Variants in GGCX observed in about 807,000 individuals in gnomAD.
GGCX encodes the protein vitamin K-dependent gamma-carboxylase.
In GGCX, 63 loss-of-function variants were observed where a neutral mutation model predicts 88.5. The ratio of observed to expected loss-of-function variants is 0.71; its 90% CI spans 0.58 to 0.88. The LOEUF is 0.88. Ranked by LOEUF, GGCX falls within the 40% of genes least tolerant of loss-of-function variation. GGCX has a pLI of 0.00. For synonymous variants in GGCX, 368 were observed against 365.8 expected, an observed-to-expected ratio of 1.01 and a Z score of -0.07; for missense variants, 805 against 932.9, an observed-to-expected ratio of 0.86 and a Z score of 1.79.
In GGCX at chr2:85,549,899, C is replaced by G; in HGVS notation, c.*35G>C. On this transcript the variant is annotated 3_prime_UTR_variant, in exon 15 of 15. Coordinates refer to ENST00000233838, the MANE Select transcript of GGCX (RefSeq NM_000821.7). ...TTGCATAGAATGGGTCTGTGACTGG[C>G]TGCTTCTACATCTGCACCCAACATC... 3.0e-6 allele frequency: 4 copies of G among 1,318,124 alleles called. No homozygotes were observed. In the Middle Eastern group the frequency reaches 7.9e-4, roughly 261 times the overall value. The allele number at this position is 1,318,124 out of a possible 1,614,324, so 81.7% of individuals were successfully genotyped here.
intron 14 of GGCX, 87 bp downstream of exon 14, chr2:85,550,468 G>A (rs923329133): frequency 3.2e-6 from 3 of 946,944 alleles, no homozygotes; most frequent in African/African-American, 3.2e-5. Flanking sequence ...TTTCCTGTAT[G>A]ACAGTCTCTA....
intron 1 of GGCX, 107 bp downstream of exon 1, chr2:85,561,279 A>ACCCCCCCCC (rs55829881): frequency 3.7e-5 from 16 of 433,402 alleles, no homozygotes; most frequent in African/African-American, 8.7e-5. Flanking sequence ...CCCACAGAGG[A>ACCCCCCCCC]CCCCCCCCCC....
At position 85,553,218 on chromosome 2, in the gene GGCX, C is replaced by T. The variant is rs1170104141; in HGVS notation, c.1155+14G>A. ...AGTCCAGCCTTTGCTGTACACTCCA[C>T]AGCCCCTACAAACCTGGGTGAGAAA... On this transcript the variant is annotated intron_variant, in intron 8 of 14. Transcript: ENST00000233838. 4 of 1,614,110 alleles carry T rather than the reference C, an allele frequency of 2.5e-6. No homozygotes were observed. The highest frequency in any genetic ancestry group is 1.7e-5 in the Admixed American group (1 of 60,028).
chr2:85,554,040 G>T, intron 7 of GGCX, 103 bp downstream of exon 7: 1 of 910,310 alleles, frequency 1.1e-6, no homozygotes, highest in Non-Finnish European at 1.9e-6. Context: ...GTTCAATTTA[G>T]CTCCTGCTCA....
Position 85,550,044 on chromosome 2 carries a change from C to T in GGCX, c.2167G>A (p.Ala723Thr). The T allele has an allele frequency of 6.2e-7, 1 of 1,612,730 alleles. No homozygotes were observed. The highest frequency in any genetic ancestry group is 8.5e-7 in the Non-Finnish European group (1 of 1,178,804). ...ACTGCCTCAAAGGGTCTCAAGTTTG[C>T]ATAAGTCACCTCCTGGGCCAGCTGC... ...LEQLAQEVTY[A>T]NLRPFEAVGE... The change falls in exon 15 of 15, where the codon GCA becomes ACA. Residue 723 changes from alanine (A) to threonine (T), a missense_variant. Transcript: ENST00000233838.
Position 85,549,694 on chromosome 2 carries a change from G to T in GGCX, c.*240C>A. 1 of 512,116 alleles carries T rather than the reference G, an allele frequency of 2.0e-6. No homozygotes were observed. The highest frequency in any genetic ancestry group is 1.9e-5 in the African/African-American group (1 of 51,828). 31.7% of individuals were successfully genotyped at this position (512,116 alleles called of 1,614,324 possible). A position where few individuals can be genotyped will look rare whatever the true frequency, so the allele number is the denominator to read the frequency against. ...GCCACTTTAAACCTTATCCTAGGAGGACAGTTTCACATTGCGTCTAACCTC... is the reference window on the plus strand; with the variant it reads ...GCCACTTTAAACCTTATCCTAGGAGTACAGTTTCACATTGCGTCTAACCTC... On this transcript the variant is annotated 3_prime_UTR_variant, in exon 15 of 15. Coordinates refer to ENST00000233838, the MANE Select transcript of GGCX (RefSeq NM_000821.7).
intron 4 of GGCX, among the ~76,000 whole-genome samples, chr2:85,557,036 C>T (rs188527541): frequency 2.8e-4 from 42 of 152,278 alleles, no homozygotes; most frequent in Middle Eastern, 3.4e-3. Context: ...GAAGCTAAAG[C>T]GAGAGAATCT....
Position 85,547,189 on chromosome 2 carries a change from A to C in GGCX, c.*2745T>G, listed in dbSNP as rs2103937773. 1 of 152,334 alleles carries C rather than the reference A, an allele frequency of 6.6e-6. No homozygotes were observed. The highest frequency in any genetic ancestry group is 6.5e-5 in the Admixed American group (1 of 15,302). 9.4% of individuals were successfully genotyped at this position (152,334 alleles called of 1,614,324 possible). ...GAAAGCATGAAAGTATGACTTAAGG[A>C]AATGTCTTTAGGTTGAACATTCTGT... is the stretch of plus-strand genomic sequence containing the variant. On this transcript the variant is annotated 3_prime_UTR_variant, in exon 15 of 15. Transcript: ENST00000233838.
intron 9 of GGCX, 28 bp from the exon 10 acceptor site, chr2:85,552,595 C>T: frequency 3.1e-6 from 5 of 1,606,424 alleles, no homozygotes; most frequent in South Asian, 1.1e-5. Flanking sequence ...ATTAGTCCCA[C>T]CTCATCATTA....
In GGCX at chr2:85,558,903, ACAGTTCC is replaced by A. The variant is rs1275640378; in HGVS notation, c.373+7_373+13del. The stretch of plus-strand genomic sequence containing the variant: ...TCTGGCAGGCCAGTCAATATTTCCC[ACAGTTCC>A]CCTCACCCAGAAACATGATGGTGTA... On this transcript the variant is annotated splice_region_variant and intron_variant, in intron 3 of 14. Transcript: ENST00000233838. 6.2e-7 allele frequency: 1 copy of A among 1,611,654 alleles called. No individual in the cohort carries two copies. Among genetic ancestry groups the A allele is most frequent in the Non-Finnish European group, 8.5e-7 (1 of 1,177,762 alleles).
chr2:85,545,826 TATG>T lies in GGCX; in HGVS notation c.*4105_*4107del, dbSNP rs1691635106. The T allele has an allele frequency of 2.0e-5, 3 of 152,250 alleles. No individual in the cohort carries two copies. Among genetic ancestry groups the T allele is most frequent in the African/African-American group, 7.2e-5 (3 of 41,456 alleles). The allele number at this position is 152,250 out of a possible 1,614,324, so 9.4% of individuals were successfully genotyped here. Reference sequence around the variant, plus strand: ...ATTATGAGCTTAGTTTTAAGGGTTGTATGATGTTTTCATCTGAGAAGTTCTGAA... The same window carrying T: ...ATTATGAGCTTAGTTTTAAGGGTTGTATGTTTTCATCTGAGAAGTTCTGAA... On this transcript the variant is annotated 3_prime_UTR_variant, in exon 15 of 15. Coordinates refer to ENST00000233838, the MANE Select transcript of GGCX (RefSeq NM_000821.7).
At position 85,556,224 on chromosome 2, in the gene GGCX, A is replaced by G. The variant is rs1206331489; in HGVS notation, c.576T>C (p.Asn192=). Residue 192 remains asparagine (N), a synonymous_variant, in exon 5 of 15, where the codon AAT becomes AAC. Coordinates refer to ENST00000233838, the MANE Select transcript of GGCX (RefSeq NM_000821.7). ...VDGLLNAHRR[N]AHVPLWNYAV... is the part of the protein sequence containing the mutation. ...CATAGTTCCAAAGGGGCACGTGGGC[A>G]TTCCTCCTATGGGCATTCAGCAGAC... 6.2e-7 allele frequency: 1 copy of G among 1,613,280 alleles called. No homozygotes were observed. The highest frequency in any genetic ancestry group is 2.2e-5 in the East Asian group (1 of 44,878).
intron 10 of GGCX, 25 bp from the exon 11 acceptor site, chr2:85,552,006 A>G: frequency 1.3e-6 from 2 of 1,581,048 alleles, no homozygotes; most frequent in Admixed American, 1.7e-5. Flanking sequence ...CCATGTTCTA[A>G]GGACATCACA....
At chr2:85,561,017 CG>C in intron 1 of GGCX, 32 bp from the exon 2 acceptor site, 1 of 1,566,636 alleles carries the variant, frequency 6.4e-7, no homozygotes, top group African/African-American at 1.3e-5. Context: ...AATATGTGTG[CG>C]GGGGTGGGCT....
chr2:85,556,810 A>G (rs1263423158), intron 4 of GGCX, among the ~76,000 whole-genome samples: 3 of 152,200 alleles, frequency 2.0e-5, no homozygotes, highest in African/African-American at 4.8e-5. Flanking sequence ...GAAGCAAAGC[A>G]AGTTTTCAAG....
At chr2:85,553,130 A>G in intron 8 of GGCX, 60 bp from the exon 9 acceptor site, 1 of 1,611,134 alleles carries the variant, frequency 6.2e-7, no homozygotes, top group Non-Finnish European at 8.5e-7. Flanking sequence ...CCCATCCCCT[A>G]CCAAGAAGGG....
At position 85,545,453 on chromosome 2, in the gene GGCX, TAAA is replaced by T. The variant is rs1691611740; in HGVS notation, c.*4478_*4480del. On this transcript the variant is annotated 3_prime_UTR_variant, in exon 15 of 15. Coordinates refer to ENST00000233838, the MANE Select transcript of GGCX (RefSeq NM_000821.7). ...CCTGGGTGACTGAGACTTTGGCTCTTAAAAAATGCTATCATATGAATAACCTGA... is the reference window on the plus strand; with the variant it reads ...CCTGGGTGACTGAGACTTTGGCTCTTAAATGCTATCATATGAATAACCTGA... The T allele has an allele frequency of 6.6e-6, 1 of 152,222 alleles. No homozygotes were observed. The highest frequency in any genetic ancestry group is 2.4e-5 in the African/African-American group (1 of 41,436). 9.4% of individuals were successfully genotyped at this position (152,222 alleles called of 1,614,324 possible).
chr2:85,556,388 G>A, intron 4 of GGCX, 128 bp from the exon 5 acceptor site: 1 of 703,636 alleles, frequency 1.4e-6, no homozygotes, highest in Non-Finnish European at 2.6e-6. Context: ...GTTATTCTGA[G>A]ACCTTTTAGA....
At chr2:85,561,278 G>GCCCCCCCCCCC in intron 1 of GGCX, 108 bp downstream of exon 1, 1 of 567,868 alleles carries the variant, frequency 1.8e-6, no homozygotes, top group Non-Finnish European at 3.1e-6. Context: ...CCCCACAGAG[G>GCCCCCCCCCCC]ACCCCCCCCC....
Sources: gnomAD v4.1 joint callset for allele counts (sites outside exome capture counted in the v4.1 genomes callset) on GRCh38, gnomAD v4.1.1 for gene constraint, MANE v1.5 for transcripts, NCBI Gene and HGNC (gene_info 2026-07-23, HGNC 2026-07-21) for gene names.